The following NLK variants were observed in gnomAD, a reference collection of about 807,000 sequenced individuals.
NLK encodes nemo like kinase.
In NLK, 11 loss-of-function variants were observed where a neutral mutation model predicts 59.0. The observed-to-expected ratio is 0.19, with a 90% CI of 0.12 to 0.31. The LOEUF (loss-of-function observed/expected upper bound fraction) is 0.31. Among genes scored for constraint, NLK ranks in the 10% least tolerant of loss-of-function variants. NLK has a pLI of 1.00. For synonymous variants in NLK, 235 were observed against 235.9 expected (o/e 1.00, Z 0.03); for missense variants, 410 against 661.1 (o/e 0.62, Z 4.16).
At chr17:28,121,073 A>T (rs1366248826) in intron 1 of NLK, among the ~76,000 whole-genome samples, 5 of 152,080 alleles carry the variant, frequency 3.3e-5, no homozygotes, top group African/African-American at 1.2e-4. Flanking sequence ...TGTCACATGG[A>T]TCAATTCTTT....
intron 1 of NLK, among the ~76,000 whole-genome samples, chr17:28,106,315 T>C (rs1905078929): frequency 6.6e-6 from 1 of 152,236 alleles, no homozygotes; most frequent in African/African-American, 2.4e-5. Context: ...CATTTTATAA[T>C]AATTTCAATT....
chr17:28,122,325 A>C (rs1430382210), intron 1 of NLK, among the ~76,000 whole-genome samples: 1 of 152,162 alleles, frequency 6.6e-6, no homozygotes, highest in African/African-American at 2.4e-5. Context: ...TCAGATGTAT[A>C]AAGTGACCTC....
In NLK at chr17:28,194,143, T is replaced by C. The variant is rs34400579; in HGVS notation, c.1530-439T>C. Among the ~76,000 whole-genome samples the C allele has an allele frequency of 4.3e-3, 652 of 152,364 alleles. 3 individuals carry two copies. Among genetic ancestry groups the C allele is most frequent in the African/African-American group, 0.015 (603 of 41,586 alleles). On this transcript the variant is annotated intron_variant, in intron 10 of 10. Coordinates refer to ENST00000407008, the MANE Select transcript of NLK (RefSeq NM_016231.5). ...GAGGCTACTTTTAAATGGATGATTC[T>C]ACATCCCTTAAGGTTATTTTCCTGA...
chr17:28,103,698 A>G (rs1904978616), intron 1 of NLK, among the ~76,000 whole-genome samples: 1 of 152,108 alleles, frequency 6.6e-6, no homozygotes, highest in African/African-American at 2.4e-5. Context: ...TAGCAGGTGC[A>G]CTCTCCCTGT....
At chr17:28,155,984 A>C (rs1907693802) in intron 3 of NLK, among the ~76,000 whole-genome samples, 1 of 152,188 alleles carries the variant, frequency 6.6e-6, no homozygotes, top group East Asian at 1.9e-4. Flanking sequence ...ACCCATGCAC[A>C]TTAGTTTCAT....
chr17:28,185,540 A>G (rs1444609291), intron 8 of NLK, among the ~76,000 whole-genome samples: 1 of 152,108 alleles, frequency 6.6e-6, no homozygotes, highest in Non-Finnish European at 1.5e-5. Context: ...CACCAAGTTA[A>G]GTCAAGACAA....
At chr17:28,131,755 A>G (rs1906526415) in intron 2 of NLK, among the ~76,000 whole-genome samples, 1 of 152,090 alleles carries the variant, frequency 6.6e-6, no homozygotes, top group African/African-American at 2.4e-5. Flanking sequence ...TTATGTTTTG[A>G]TGGCGGAAGT....
chr17:28,084,975 A>G (rs1202963200), intron 1 of NLK, among the ~76,000 whole-genome samples: 1 of 152,254 alleles, frequency 6.6e-6, no homozygotes, highest in East Asian at 1.9e-4. Flanking sequence ...AATTTTAGCC[A>G]TTAGAATCAG....
At chr17:28,130,170 C>A (rs1373836314) in intron 2 of NLK, among the ~76,000 whole-genome samples, 1 of 152,174 alleles carries the variant, frequency 6.6e-6, no homozygotes, top group Non-Finnish European at 1.5e-5. Flanking sequence ...GCTAATCTCA[C>A]ATACTTTATT....
intron 3 of NLK, among the ~76,000 whole-genome samples, chr17:28,151,569 A>G (rs796920004): frequency 2.4e-4 from 36 of 152,294 alleles, no homozygotes; most frequent in African/African-American, 8.7e-4. Flanking sequence ...CCAGTCTTTT[A>G]TGTTTAAAAG....
At chr17:28,087,983 T>C (rs1280240016) in intron 1 of NLK, among the ~76,000 whole-genome samples, 2 of 152,208 alleles carry the variant, frequency 1.3e-5, no homozygotes, top group African/African-American at 4.8e-5. Context: ...ACTTTGAGAA[T>C]GTCAGCATCT....
At chr17:28,161,335 C>A in intron 4 of NLK, 69 bp downstream of exon 4, 1 of 824,070 alleles carries the variant, frequency 1.2e-6, no homozygotes, top group Non-Finnish European at 2.0e-6. Context: ...CTCATTTAGA[C>A]TTTAATCCGA....
chr17:28,055,078 TGTG>T (rs1261374257), intron 1 of NLK, among the ~76,000 whole-genome samples: 3 of 151,676 alleles, frequency 2.0e-5, no homozygotes, highest in African/African-American at 7.3e-5. Flanking sequence ...GTAGGGTTGT[TGTG>T]GGGATTTTTT....
At chr17:28,099,017 AT>A (rs1904806886) in intron 1 of NLK, among the ~76,000 whole-genome samples, 1 of 151,854 alleles carries the variant, frequency 6.6e-6, no homozygotes, top group Non-Finnish European at 1.5e-5. Flanking sequence ...ATTTTGTCTG[AT>A]TGTTTCTGTA....
chr17:28,126,650 C>T (rs561860267), intron 2 of NLK, among the ~76,000 whole-genome samples: 1 of 152,246 alleles, frequency 6.6e-6, no homozygotes, highest in African/African-American at 2.4e-5. Flanking sequence ...GTCACTGTAT[C>T]AAATTCATTG....
downstream of NLK, among the ~76,000 whole-genome samples, chr17:28,198,267 G>A (rs560648516): frequency 6.6e-6 from 1 of 152,196 alleles, no homozygotes; most frequent in South Asian, 2.1e-4. Flanking sequence ...CTCCCAAAAT[G>A]CTGGGATTAC....
At chr17:28,164,097 C>T (rs911062118) in intron 5 of NLK, among the ~76,000 whole-genome samples, 2 of 152,098 alleles carry the variant, frequency 1.3e-5, no homozygotes, top group African/African-American at 2.4e-5. Context: ...TGGCCAGACA[C>T]GGTGGCTCAT....
At chr17:28,205,219 T>C in the NLK span, among the ~76,000 whole-genome samples, 1 of 152,244 alleles carries the variant, frequency 6.6e-6, no homozygotes, top group Non-Finnish European at 1.5e-5. Flanking sequence ...TAAGATAATA[T>C]GTGAGACGTA....
chr17:28,115,910 A>G (rs1347893526), intron 1 of NLK, among the ~76,000 whole-genome samples: 3 of 151,742 alleles, frequency 2.0e-5, no homozygotes, highest in Admixed American at 1.3e-4. Context: ...TCAGACTTAC[A>G]TTATTTTCCT....
Sources: allele counts gnomAD v4.1 joint callset (sites outside exome capture counted in the v4.1 genomes callset), GRCh38; gene constraint gnomAD v4.1.1; transcripts MANE v1.5; gene names NCBI Gene and HGNC (gene_info 2026-07-23, HGNC 2026-07-21).